PDGFD: variants seen among roughly 807,000 people sequenced by gnomAD.
PDGFD encodes the protein platelet-derived growth factor D.
In PDGFD, 30 loss-of-function variants were observed where a neutral mutation model predicts 44.7. That is an observed-to-expected ratio of 0.67 (90% CI 0.50 to 0.91). The LOEUF is 0.91. Ranked by LOEUF, PDGFD falls within the 40% of genes least tolerant of loss-of-function variation. The pLI is 0.00. For synonymous variants in PDGFD, 173 were observed against 168.4 expected, an observed-to-expected ratio of 1.03 and a Z score of -0.21; for missense variants, 445 against 457.8, an observed-to-expected ratio of 0.97 and a Z score of 0.25.
At chr11:103,965,612 G>C (rs1468402351) in intron 3 of PDGFD, among the ~76,000 whole-genome samples, 2 of 152,182 alleles carry the variant, frequency 1.3e-5, no homozygotes, top group African/African-American at 4.8e-5. Flanking sequence ...ATGTAGAAAA[G>C]AGCACAGTAC....
intron 1 of PDGFD, among the ~76,000 whole-genome samples, chr11:104,094,169 T>C (rs1006405492): frequency 6.6e-6 from 1 of 152,018 alleles, no homozygotes; most frequent in African/African-American, 2.4e-5. Context: ...GCCACCTCTC[T>C]ATCTTGATAC....
chr11:104,132,572 T>A (rs1332467490), intron 1 of PDGFD, among the ~76,000 whole-genome samples: 1 of 152,042 alleles, frequency 6.6e-6, no homozygotes, highest in African/African-American at 2.4e-5. Flanking sequence ...TCATGCTCCA[T>A]AACATGAGTA....
rs1280934153 is a variant in PDGFD, at chr11:104,095,583, GA to G, written c.124+68220del. Reference sequence around the variant, plus strand: ...CTTAGAGACAAAAAAATGGTAAAAAGAAAATGAGAGAAGAAGAAGGAGGGAG... The same window carrying G: ...CTTAGAGACAAAAAAATGGTAAAAAGAAATGAGAGAAGAAGAAGGAGGGAG... On this transcript the variant is annotated intron_variant, in intron 1 of 6. Coordinates refer to ENST00000393158, the MANE Select transcript of PDGFD (RefSeq NM_025208.5). Among the ~76,000 whole-genome samples the G allele has an allele frequency of 3.5e-5, 5 of 144,202 alleles. No homozygotes were observed. The South Asian group carries it at 9.1e-4, about 26-fold the overall frequency. The allele number at this position is 144,202 out of a possible 152,430, so 94.6% of individuals were successfully genotyped here.
intron 1 of PDGFD, among the ~76,000 whole-genome samples, chr11:104,121,429 T>A (rs1190447098): frequency 6.6e-6 from 1 of 152,002 alleles, no homozygotes; most frequent in Non-Finnish European, 1.5e-5. Flanking sequence ...AGAAAGAATA[T>A]CATAGAGGTC....
intron 1 of PDGFD, among the ~76,000 whole-genome samples, chr11:104,008,879 A>G (rs1441017633): frequency 1.3e-5 from 2 of 152,082 alleles, no homozygotes; most frequent in East Asian, 1.9e-4. Context: ...CAAATAGTAC[A>G]TATTATATAT....
At chr11:104,109,977 A>T (rs1282747602) in intron 1 of PDGFD, among the ~76,000 whole-genome samples, 1 of 152,132 alleles carries the variant, frequency 6.6e-6, no homozygotes, top group Non-Finnish European at 1.5e-5. Flanking sequence ...AACAGCTCCT[A>T]TCACATTATC....
intron 1 of PDGFD, among the ~76,000 whole-genome samples, chr11:104,133,049 C>T (rs953315649): frequency 8.5e-5 from 13 of 152,242 alleles, no homozygotes; most frequent in Non-Finnish European, 1.9e-4. Context: ...TGACTCTTAA[C>T]TGCCTCAGGC....
intron 1 of PDGFD, among the ~76,000 whole-genome samples, chr11:104,072,848 G>A (rs1591149817): frequency 6.6e-6 from 1 of 152,146 alleles, no homozygotes; most frequent in East Asian, 1.9e-4. Flanking sequence ...TTTCAGAAAT[G>A]TGTGGGTTTA....
At chr11:104,055,926 T>C (rs1272523127) in intron 1 of PDGFD, among the ~76,000 whole-genome samples, 3 of 152,210 alleles carry the variant, frequency 2.0e-5, no homozygotes, top group Non-Finnish European at 4.4e-5. Flanking sequence ...TTTCTATTTC[T>C]GATTTAAGTA....
At chr11:104,116,538 G>A (rs1861640865) in intron 1 of PDGFD, among the ~76,000 whole-genome samples, 1 of 150,970 alleles carries the variant, frequency 6.6e-6, no homozygotes, top group Admixed American at 6.6e-5. Context: ...ATTCTATGAA[G>A]CCAGTATTAC....
intron 2 of PDGFD, among the ~76,000 whole-genome samples, chr11:103,998,909 G>C (rs1268895045): frequency 6.6e-6 from 1 of 152,106 alleles, no homozygotes; most frequent in African/African-American, 2.4e-5. Flanking sequence ...AACAGATCAT[G>C]GTACCCTCCA....
chr11:104,150,682 C>T (rs968283135), intron 1 of PDGFD, among the ~76,000 whole-genome samples: 3 of 152,196 alleles, frequency 2.0e-5, no homozygotes, highest in African/African-American at 7.2e-5. Context: ...CTGTTTGCTG[C>T]TGGCATTCCT....
chr11:104,100,800 C>T (rs189433204), intron 1 of PDGFD, among the ~76,000 whole-genome samples: 15 of 152,072 alleles, frequency 9.9e-5, no homozygotes, highest in South Asian at 4.2e-4. Flanking sequence ...TTCAACATAA[C>T]GCAAATCAAT....
At chr11:104,056,845 A>T (rs1211024263) in intron 1 of PDGFD, among the ~76,000 whole-genome samples, 4 of 152,142 alleles carry the variant, frequency 2.6e-5, no homozygotes, top group African/African-American at 4.8e-5. Flanking sequence ...TCATAAAAAA[A>T]CCGGCTGGGC....
intron 1 of PDGFD, among the ~76,000 whole-genome samples, chr11:104,082,471 T>C (rs943634214): frequency 1.3e-5 from 2 of 152,036 alleles, no homozygotes; most frequent in Non-Finnish European, 1.5e-5. Context: ...ATAGTCATGA[T>C]TTTTTTCTTT....
intron 1 of PDGFD, among the ~76,000 whole-genome samples, chr11:104,123,167 A>G (rs1861801191): frequency 6.6e-6 from 1 of 152,118 alleles, no homozygotes; most frequent in African/African-American, 2.4e-5. Flanking sequence ...AACAGCAAAC[A>G]CAAAATTAAA....
At chr11:104,139,044 G>A (rs963554202) in intron 1 of PDGFD, among the ~76,000 whole-genome samples, 3 of 152,182 alleles carry the variant, frequency 2.0e-5, no homozygotes, top group African/African-American at 4.8e-5. Context: ...TTACAGGCAT[G>A]CGCCACCATG....
At chr11:104,133,746 G>A (rs915200706) in intron 1 of PDGFD, among the ~76,000 whole-genome samples, 1 of 152,104 alleles carries the variant, frequency 6.6e-6, no homozygotes, top group Non-Finnish European at 1.5e-5. Flanking sequence ...GGCTCGTGAG[G>A]GCAAGAGTAT....
chr11:104,064,337 A>G (rs557428751), intron 1 of PDGFD, among the ~76,000 whole-genome samples: 1 of 152,364 alleles, frequency 6.6e-6, no homozygotes, highest in African/African-American at 2.4e-5. Context: ...AACATTCTAT[A>G]TAAATTGTAT....
Sources: gnomAD v4.1 joint callset for allele counts (sites outside exome capture counted in the v4.1 genomes callset) on GRCh38, gnomAD v4.1.1 for gene constraint, MANE v1.5 for transcripts, NCBI Gene and HGNC (gene_info 2026-07-23, HGNC 2026-07-21) for gene names.